Variants in PDS5B observed in about 807,000 individuals in gnomAD.
The protein encoded by PDS5B is PDS5 cohesin associated factor B.
Under a neutral mutation model 184.1 loss-of-function variants are expected in PDS5B, and 51 were observed. That is an observed-to-expected ratio of 0.28 (90% CI 0.22 to 0.35). The LOEUF is 0.35. PDS5B is among the 10% of genes least tolerant of loss of function. The pLI is 1.00. For synonymous variants in PDS5B, 566 were observed against 569.2 expected, an observed-to-expected ratio of 0.99 and a Z score of 0.08; for missense variants, 1,180 against 1,723.3, an observed-to-expected ratio of 0.68 and a Z score of 5.58.
At chr13:32,754,560 AC>A (rs1954103617) in intron 25 of PDS5B, among the ~76,000 whole-genome samples, 2 of 150,028 alleles carry the variant, frequency 1.3e-5, no homozygotes, top group South Asian at 4.2e-4. Flanking sequence ...TTTTGGGGTT[AC>A]CACATCACTG....
chr13:32,712,879 T>C (rs1307708834), intron 19 of PDS5B, among the ~76,000 whole-genome samples: 1 of 152,184 alleles, frequency 6.6e-6, no homozygotes, highest in South Asian at 2.1e-4. Flanking sequence ...AAATATCTTT[T>C]TACCAACTTT....
At chr13:32,716,219 C>T (rs571371341) in intron 19 of PDS5B, among the ~76,000 whole-genome samples, 143 of 149,822 alleles carry the variant, frequency 9.5e-4, no homozygotes, top group African/African-American at 3.2e-3. Context: ...AAGTGAGGAG[C>T]GCCTCTTCCC....
At chr13:32,611,197 A>G (rs1406498663) in intron 1 of PDS5B, among the ~76,000 whole-genome samples, 1 of 151,840 alleles carries the variant, frequency 6.6e-6, no homozygotes, top group Non-Finnish European at 1.5e-5. Context: ...GGCTTCCCTT[A>G]TATGTTACTC....
intron 1 of PDS5B, among the ~76,000 whole-genome samples, chr13:32,633,126 A>T (rs2058483667): frequency 1.3e-5 from 2 of 152,342 alleles, no homozygotes; most frequent in South Asian, 4.1e-4. Context: ...ATTTATAGAG[A>T]CAGACAGTAG....
chr13:32,661,417 A>AC (rs1950644947), intron 6 of PDS5B, among the ~76,000 whole-genome samples: 11 of 149,706 alleles, frequency 7.3e-5, no homozygotes, highest in Non-Finnish European at 1.5e-4. Flanking sequence ...AAAACAGAAA[A>AC]AGAAAAAGAA....
intron 24 of PDS5B, among the ~76,000 whole-genome samples, chr13:32,752,466 C>T (rs76128339): frequency 0.047 from 7,117 of 152,126 alleles, 475 homozygotes; most frequent in African/African-American, 0.15. Context: ...TTTTGTTAGG[C>T]TTAGAGAGAT....
chr13:32,696,726 G>A (rs1011357539), intron 14 of PDS5B, 128 bp from the exon 15 acceptor site: 5 of 660,896 alleles, frequency 7.6e-6, no homozygotes, highest in Non-Finnish European at 1.3e-5. Flanking sequence ...GATGAAGAAG[G>A]TGACAGTAGT....
chr13:32,648,963 T>C lies in PDS5B; in HGVS notation c.108+83T>C. On this transcript the variant is annotated intron_variant, in intron 2 of 34. Transcript: ENST00000315596. ...TCACATGGGGCTATAATGTATCTTGTTGGGGTAACTTAAAAAAGCAAAGCA... is the reference window on the plus strand; with the variant it reads ...TCACATGGGGCTATAATGTATCTTGCTGGGGTAACTTAAAAAAGCAAAGCA... The C allele has an allele frequency of 5.4e-6, 4 of 744,402 alleles. No homozygotes were observed. The Admixed American group carries it at 8.4e-5, about 16-fold the overall frequency. The allele number at this position is 744,402 out of a possible 1,614,324, so 46.1% of individuals were successfully genotyped here.
chr13:32,696,596 G>A (rs1951713067), intron 14 of PDS5B, among the ~76,000 whole-genome samples: 1 of 151,684 alleles, frequency 6.6e-6, no homozygotes, highest in Non-Finnish European at 1.5e-5. Context: ...ACAAAATGTA[G>A]TGCAGCTGTC....
chr13:32,594,337 G>T (rs2057823500), intron 1 of PDS5B, among the ~76,000 whole-genome samples: 1 of 152,174 alleles, frequency 6.6e-6, no homozygotes, highest in Non-Finnish European at 1.5e-5. Flanking sequence ...ATTACTGAAT[G>T]GATGTTTGCA....
chr13:32,646,959 T>TC (rs1950243595), intron 1 of PDS5B, among the ~76,000 whole-genome samples: 1 of 152,226 alleles, frequency 6.6e-6, no homozygotes, highest in Non-Finnish European at 1.5e-5. Flanking sequence ...TGTTGAGAAG[T>TC]CACCTGTTAG....
At chr13:32,725,735 A>G (rs1021060448) in intron 19 of PDS5B, among the ~76,000 whole-genome samples, 1 of 152,190 alleles carries the variant, frequency 6.6e-6, no homozygotes, top group East Asian at 1.9e-4. Flanking sequence ...ATGGCACAGG[A>G]TAACAACACT....
chr13:32,604,681 T>C (rs1267625822), intron 1 of PDS5B, among the ~76,000 whole-genome samples: 1 of 151,706 alleles, frequency 6.6e-6, no homozygotes, highest in African/African-American at 2.4e-5. Flanking sequence ...TGGTAGAATT[T>C]GGCTGTGAAT....
chr13:32,671,605 C>CA (rs1391468149), intron 7 of PDS5B, among the ~76,000 whole-genome samples: 1 of 151,792 alleles, frequency 6.6e-6, no homozygotes, highest in Non-Finnish European at 1.5e-5. Context: ...TTTTTAAAAC[C>CA]AAAAAAGAAA....
At chr13:32,661,035 A>G (rs534986442) in intron 6 of PDS5B, among the ~76,000 whole-genome samples, 2 of 152,322 alleles carry the variant, frequency 1.3e-5, no homozygotes, top group Non-Finnish European at 2.9e-5. Context: ...GATAAGAGGT[A>G]AAAAATGTAA....
chr13:32,672,832 CAGACACACCCA>C (rs1950972346), intron 7 of PDS5B, among the ~76,000 whole-genome samples: 1 of 152,220 alleles, frequency 6.6e-6, no homozygotes, highest in Non-Finnish European at 1.5e-5. Flanking sequence ...AACATCATTG[CAGACACACCCA>C]AGACACGTTG....
At chr13:32,703,798 G>A (rs532106427) in intron 17 of PDS5B, among the ~76,000 whole-genome samples, 69 of 152,214 alleles carry the variant, frequency 4.5e-4, no homozygotes, top group African/African-American at 1.7e-3. Flanking sequence ...ATGAAGAGAT[G>A]TACCCTTTAA....
At chr13:32,588,719 A>G (rs2057728918) in intron 1 of PDS5B, among the ~76,000 whole-genome samples, 1 of 152,094 alleles carries the variant, frequency 6.6e-6, no homozygotes, top group South Asian at 2.1e-4. Flanking sequence ...TGTTGTTAGG[A>G]GATGTTTGTA....
At position 32,687,300 on chromosome 13, in the gene PDS5B, C is replaced by T; in HGVS notation, c.1355+15C>T. On this transcript the variant is annotated intron_variant, in intron 12 of 34. Transcript: ENST00000315596. Reference sequence around the variant, plus strand: ...ATTGATGATCGGTAAGTTAAGGACACTATAAATATTTGGTGACTTTGAATG... The same window carrying T: ...ATTGATGATCGGTAAGTTAAGGACATTATAAATATTTGGTGACTTTGAATG... 1 of 1,505,360 alleles carries T rather than the reference C, an allele frequency of 6.6e-7. No individual in the cohort carries two copies. The highest frequency in any genetic ancestry group is 9.0e-7 in the Non-Finnish European group (1 of 1,117,144). 93.3% of individuals were successfully genotyped at this position (1,505,360 alleles called of 1,614,324 possible).
Sources: gnomAD v4.1 joint callset for allele counts (sites outside exome capture counted in the v4.1 genomes callset) on GRCh38, gnomAD v4.1.1 for gene constraint, MANE v1.5 for transcripts, NCBI Gene and HGNC (gene_info 2026-07-23, HGNC 2026-07-21) for gene names.